FRMD3: variants seen among roughly 807,000 people sequenced by gnomAD.
The protein encoded by FRMD3 is FERM domain-containing protein 3.
FRMD3 carries 33 observed loss-of-function variants against 70.2 expected under a neutral mutation model. That is an observed-to-expected ratio of 0.47 (90% CI 0.36 to 0.63). The LOEUF (loss-of-function observed/expected upper bound fraction) is 0.63, where lower values mean the gene tolerates loss of function less well. Ranked by LOEUF, FRMD3 falls within the 20% of genes least tolerant of loss-of-function variation. FRMD3 has a pLI of 0.00. For missense variants in FRMD3, 632 were observed against 711.4 expected, an observed-to-expected ratio of 0.89 and a Z score of 1.27; for synonymous variants, 279 against 255.9, an observed-to-expected ratio of 1.09 and a Z score of -0.86.
intron 1 of FRMD3, among the ~76,000 whole-genome samples, chr9:83,441,998 C>T (rs114414242): frequency 0.012 from 1,826 of 152,266 alleles, 48 homozygotes; most frequent in African/African-American, 0.042. Context: ...TGACCTAGTA[C>T]AGCATAAAGA....
intron 1 of FRMD3, among the ~76,000 whole-genome samples, chr9:83,458,667 T>C (rs969586838): frequency 2.0e-5 from 3 of 151,978 alleles, no homozygotes; most frequent in Non-Finnish European, 4.4e-5. Flanking sequence ...TCCACAGAAA[T>C]GAAAAGCAAG....
At chr9:83,356,571 C>G (rs545365543) in intron 3 of FRMD3, among the ~76,000 whole-genome samples, 3 of 151,518 alleles carry the variant, frequency 2.0e-5, no homozygotes, top group African/African-American at 7.3e-5. Context: ...CCACCGCGCC[C>G]GGCCAGCAGC....
intron 1 of FRMD3, among the ~76,000 whole-genome samples, chr9:83,459,537 T>C (rs1157087118): frequency 6.6e-6 from 1 of 152,212 alleles, no homozygotes; most frequent in Non-Finnish European, 1.5e-5. Flanking sequence ...TACTGAGAGA[T>C]GCCTAGGCCT....
chr9:83,553,978 G>A, the FRMD3 span, among the ~76,000 whole-genome samples: 53 of 152,222 alleles, frequency 3.5e-4, no homozygotes, highest in Admixed American at 1.0e-3. Flanking sequence ...TTCTCATCTC[G>A]GCATGTGGGT....
intron 6 of FRMD3, among the ~76,000 whole-genome samples, chr9:83,326,506 A>G (rs991744101): frequency 6.6e-6 from 1 of 152,234 alleles, no homozygotes; most frequent in African/African-American, 2.4e-5. Flanking sequence ...CAGAGAAGGC[A>G]AAAAGATCAA....
chr9:83,292,857 G>A (rs140895288), intron 12 of FRMD3, among the ~76,000 whole-genome samples: 1 of 152,042 alleles, frequency 6.6e-6, no homozygotes, highest in Non-Finnish European at 1.5e-5. Flanking sequence ...TGTTGGGCAG[G>A]CTGGTCTCAA....
chr9:83,401,865 G>A (rs1221937143), intron 1 of FRMD3, among the ~76,000 whole-genome samples: 2 of 152,104 alleles, frequency 1.3e-5, no homozygotes, highest in African/African-American at 2.4e-5. Flanking sequence ...ATGAAATAAA[G>A]AATGCTTACA....
At chr9:83,298,908 G>A (rs1834788504) in intron 11 of FRMD3, 92 bp from the exon 12 acceptor site, 2 of 1,259,030 alleles carry the variant, frequency 1.6e-6, no homozygotes, top group Admixed American at 1.7e-5. Context: ...CTTCACAGGT[G>A]TCTGACCCAG....
intron 1 of FRMD3, among the ~76,000 whole-genome samples, chr9:83,489,870 G>T (rs1828777276): frequency 6.6e-6 from 1 of 152,154 alleles, no homozygotes; most frequent in Admixed American, 6.5e-5. Flanking sequence ...TAAACACAGA[G>T]AAATGAAGGA....
intron 1 of FRMD3, among the ~76,000 whole-genome samples, chr9:83,415,095 A>G (rs1826392986): frequency 6.6e-6 from 1 of 152,178 alleles, no homozygotes; most frequent in Non-Finnish European, 1.5e-5. Context: ...TGGAGGAGTG[A>G]TCACTGGGCC....
chr9:83,581,224 C>G, the FRMD3 span, among the ~76,000 whole-genome samples: 1 of 151,924 alleles, frequency 6.6e-6, no homozygotes, highest in African/African-American at 2.4e-5. Flanking sequence ...AAATTACACC[C>G]CGTTAAGGAA....
intron 1 of FRMD3, among the ~76,000 whole-genome samples, chr9:83,498,077 G>A (rs28595736): frequency 0.011 from 1,671 of 152,266 alleles, 34 homozygotes; most frequent in African/African-American, 0.038. Context: ...GAACCCAGGA[G>A]GTGGAGGTTG....
intron 1 of FRMD3, among the ~76,000 whole-genome samples, chr9:83,416,745 G>GTCTCTCTCTCTCTCTCTCTCTC (rs1184226415): frequency 3.3e-4 from 34 of 102,232 alleles, no homozygotes; most frequent in Non-Finnish European, 4.2e-4. Flanking sequence ...ATTTCTCTCT[G>GTCTCTCTCTCTCTCTCTCTCTC]TCTCTCTCTC....
At chr9:83,552,013 C>A in the FRMD3 span, among the ~76,000 whole-genome samples, 1 of 151,774 alleles carries the variant, frequency 6.6e-6, no homozygotes, top group Non-Finnish European at 1.5e-5. Flanking sequence ...CTTCTGCTAG[C>A]TTTGAAATTG....
At chr9:83,273,052 G>T (rs1487762703) in intron 13 of FRMD3, among the ~76,000 whole-genome samples, 1 of 4,384 alleles carries the variant, frequency 2.3e-4, no homozygotes, top group East Asian at 5.9e-3. Context: ...CCGGGAGGTG[G>T]GGGGGGGCGC....
chr9:83,520,226 T>C (rs184116304), intron 1 of FRMD3, among the ~76,000 whole-genome samples: 2 of 152,240 alleles, frequency 1.3e-5, no homozygotes, highest in African/African-American at 4.8e-5. Flanking sequence ...CTTCCCCCCC[T>C]GGACTTCAGA....
rs1486935690 is a variant in FRMD3, at chr9:83,537,821, G to T, written c.147+264C>A. 6.7e-6 allele frequency among the ~76,000 whole-genome samples: 1 copy of T among 150,150 alleles called. No individual in the cohort carries two copies. Among genetic ancestry groups the T allele is most frequent in the Non-Finnish European group, 1.5e-5 (1 of 67,456 alleles). ...GCTGCCCCGCGCCCCTAGCCCGGGC[G>T]CAGTGAGACGCGCGCGCAGGGTGCA... On this transcript the variant is annotated intron_variant, in intron 1 of 13. Coordinates refer to ENST00000304195, the MANE Select transcript of FRMD3 (RefSeq NM_174938.6). This position sits in a 1 kb window ranked among gnomAD's most constrained non-coding sequence, Gnocchi z 4.1.
chr9:83,314,993 G>A (rs1031878869), intron 6 of FRMD3, among the ~76,000 whole-genome samples: 1 of 151,678 alleles, frequency 6.6e-6, no homozygotes, highest in African/African-American at 2.4e-5. Context: ...TAATTCAAAT[G>A]TCCAGCCTGC....
chr9:83,305,670 A>T (rs1224331393), intron 10 of FRMD3, among the ~76,000 whole-genome samples: 1 of 152,218 alleles, frequency 6.6e-6, no homozygotes, highest in Non-Finnish European at 1.5e-5. Flanking sequence ...AGAACAAGTG[A>T]TACTTCCCCT....
Sources: allele counts gnomAD v4.1 joint callset (sites outside exome capture counted in the v4.1 genomes callset), GRCh38; gene constraint gnomAD v4.1.1; non-coding constraint Gnocchi (gnomAD v3.1); transcripts MANE v1.5; gene names NCBI Gene and HGNC (gene_info 2026-07-23, HGNC 2026-07-21).